CATSPERB: variants seen among roughly 807,000 people sequenced by gnomAD.
CATSPERB encodes catsper channel auxiliary subunit beta.
In CATSPERB, 93 loss-of-function variants were observed where a neutral mutation model predicts 128.3. The observed-to-expected ratio is 0.72, with a 90% confidence interval of 0.61 to 0.86. The LOEUF (loss-of-function observed/expected upper bound fraction) is 0.86. CATSPERB is among the 40% of genes least tolerant of loss of function. The pLI, the probability that CATSPERB is intolerant of heterozygous loss-of-function variation, is 0.00. For synonymous variants in CATSPERB, 381 were observed against 448.8 expected, an observed-to-expected ratio of 0.85 and a Z score of 1.91; for missense variants, 1,153 against 1,329.5, an observed-to-expected ratio of 0.87 and a Z score of 2.06.
chr14:91,610,383 C>A (rs1315923555), intron 21 of CATSPERB, 97 bp downstream of exon 21: 5 of 909,824 alleles, frequency 5.5e-6, no homozygotes, highest in Non-Finnish European at 8.4e-6. Flanking sequence ...TTTTGAGCCA[C>A]TCACAAAAGA....
intron 5 of CATSPERB, among the ~76,000 whole-genome samples, chr14:91,717,439 T>C (rs1477711099): frequency 6.6e-6 from 1 of 152,244 alleles, no homozygotes; most frequent in Non-Finnish European, 1.5e-5. Context: ...AACAATTATA[T>C]GTAGTTCACA....
chr14:91,678,162 G>T (rs1895222407), intron 11 of CATSPERB, among the ~76,000 whole-genome samples: 1 of 152,116 alleles, frequency 6.6e-6, no homozygotes, highest in African/African-American at 2.4e-5. Flanking sequence ...GTTGAAAGAT[G>T]CAGCAAACCA....
intron 22 of CATSPERB, among the ~76,000 whole-genome samples, chr14:91,606,590 C>T (rs1174414635): frequency 2.0e-5 from 3 of 152,130 alleles, no homozygotes; most frequent in Admixed American, 6.5e-5. Flanking sequence ...AAAATATTTT[C>T]GAATAATTCT....
In CATSPERB at chr14:91,669,824, T is replaced by G; in HGVS notation, c.1277A>C (p.Tyr426Ser). Residue 426 changes from tyrosine to serine, a missense_variant, in exon 14 of 27, where the codon TAT becomes TCT. Transcript: ENST00000256343. ...FHPRSHFLYA[Y>S]GNQIWLSVDG... is the part of the protein sequence containing the mutation. ...TCCATGTGTACGCACCTGATTGCCA[T>G]AAGCATACAAAAAGTGGCTTCGGGG... The G allele has an allele frequency of 6.2e-7, 1 of 1,612,666 alleles. No homozygotes were observed. The highest frequency in any genetic ancestry group is 1.1e-5 in the South Asian group (1 of 90,696).
rs189868934 is a variant in CATSPERB, at chr14:91,604,707, T to G, written c.2709+3587A>C. The G allele has an allele frequency of 8.0e-5, 129 of 1,613,584 alleles. No homozygotes were observed. The African/African-American group carries it at 1.5e-3, about 19-fold the overall frequency. ...ATGTTCTGGGTCTGGTTGCTCCAGG[T>G]TGAATTGTTCCAGGTCTGGTTGCTC... On this transcript the variant is annotated intron_variant, in intron 22 of 26. Transcript: ENST00000256343.
intron 22 of CATSPERB, among the ~76,000 whole-genome samples, chr14:91,598,271 C>T (rs1361287156): frequency 6.6e-6 from 1 of 151,498 alleles, no homozygotes; most frequent in Non-Finnish European, 1.5e-5. Context: ...TTTAAATAAG[C>T]TTTGAATTAG....
intron 3 of CATSPERB, 45 bp from the exon 4 acceptor site, chr14:91,723,234 T>G (rs1420698674): frequency 1.5e-6 from 2 of 1,369,342 alleles, no homozygotes; most frequent in Non-Finnish European, 1.9e-6. Context: ...AACCACTTGA[T>G]GCAGACACAC....
intron 17 of CATSPERB, among the ~76,000 whole-genome samples, chr14:91,625,652 C>A (rs1269689800): frequency 6.6e-6 from 1 of 152,098 alleles, no homozygotes; most frequent in Admixed American, 6.6e-5. Context: ...ATTGGCAGTT[C>A]ATCAAAGTGT....
chr14:91,672,591 G>A (rs1040865804), intron 13 of CATSPERB, among the ~76,000 whole-genome samples: 2 of 151,844 alleles, frequency 1.3e-5, no homozygotes, highest in African/African-American at 4.8e-5. Context: ...TCTTAAATTT[G>A]TATAGAAAAA....
chr14:91,673,389 G>A (rs1895133217), intron 12 of CATSPERB, among the ~76,000 whole-genome samples: 1 of 152,098 alleles, frequency 6.6e-6, no homozygotes, highest in Non-Finnish European at 1.5e-5. Flanking sequence ...CAGAGAGACA[G>A]GTTTGAGATT....
chr14:91,644,406 G>A lies in CATSPERB; in HGVS notation c.1433-5156C>T, dbSNP rs200717894. Among the ~76,000 whole-genome samples the A allele has an allele frequency of 4.0e-5, 6 of 149,526 alleles. No individual in the cohort carries two copies. In the East Asian group the frequency reaches 1.2e-3, roughly 30 times the overall value. The stretch of plus-strand genomic sequence containing the variant: ...CAGGAGCTCTTGTAGGGCAGGCCTG[G>A]TGATGACAAAATCTCTCAGCATTTG... On this transcript the variant is annotated intron_variant, in intron 15 of 26. Coordinates refer to ENST00000256343, the MANE Select transcript of CATSPERB (RefSeq NM_024764.4).
chr14:91,722,186 G>A (rs912514591), intron 4 of CATSPERB, among the ~76,000 whole-genome samples: 1 of 152,132 alleles, frequency 6.6e-6, no homozygotes, highest in Non-Finnish European at 1.5e-5. Context: ...TCCATCCCTG[G>A]CCATGTAGCT....
At chr14:91,596,747 T>C (rs2139764595) in intron 22 of CATSPERB, among the ~76,000 whole-genome samples, 1 of 152,302 alleles carries the variant, frequency 6.6e-6, no homozygotes, top group African/African-American at 2.4e-5. Context: ...TATACAAATA[T>C]AGCCCAAAGA....
intron 22 of CATSPERB, among the ~76,000 whole-genome samples, chr14:91,594,259 A>T (rs987054591): frequency 4.6e-5 from 7 of 151,916 alleles, no homozygotes; most frequent in South Asian, 4.2e-4. Flanking sequence ...TTCTCACTCA[A>T]AGGTGGGAAT....
intron 7 of CATSPERB, 115 bp downstream of exon 7, chr14:91,704,437 T>G: frequency 1.0e-5 from 11 of 1,086,810 alleles, no homozygotes; most frequent in Non-Finnish European, 1.3e-5. Context: ...TTAGGTATTT[T>G]TAGGAAACAA....
At chr14:91,660,016 G>A (rs762444986) in intron 14 of CATSPERB, 35 bp from the exon 15 acceptor site, 104 of 1,531,780 alleles carry the variant, frequency 6.8e-5, no homozygotes, top group Non-Finnish European at 9.0e-5. Flanking sequence ...TTACTAAAGG[G>A]CTGCCATGCA....
intron 14 of CATSPERB, among the ~76,000 whole-genome samples, chr14:91,661,551 A>ATATATATATAT (rs1555362525): frequency 2.7e-5 from 4 of 148,018 alleles, no homozygotes; most frequent in African/African-American, 1.0e-4. Flanking sequence ...ATATATATTT[A>ATATATATATAT]AGACAGGGTC....
intron 20 of CATSPERB, among the ~76,000 whole-genome samples, chr14:91,614,603 C>T (rs943575379): frequency 3.3e-5 from 5 of 151,216 alleles, no homozygotes; most frequent in African/African-American, 1.2e-4. Flanking sequence ...TACCTTGAGA[C>T]CAGCCTGGGC....
intron 26 of CATSPERB, among the ~76,000 whole-genome samples, chr14:91,586,571 A>AGAAAGAGAGAGAG (rs374162982): frequency 6.1e-5 from 7 of 114,244 alleles, no homozygotes; most frequent in East Asian, 5.5e-4. Context: ...GAGAGAGAGA[A>AGAAAGAGAGAGAG]AGAGAGAGAG....
Sources: gnomAD v4.1 joint callset for allele counts (sites outside exome capture counted in the v4.1 genomes callset) on GRCh38, gnomAD v4.1.1 for gene constraint, MANE v1.5 for transcripts, NCBI Gene and HGNC (gene_info 2026-07-23, HGNC 2026-07-21) for gene names.